Variants in ODF2L observed in about 807,000 individuals in gnomAD.
ODF2L encodes protein BCAP.
ODF2L carries 76 observed loss-of-function variants against 86.3 expected under a neutral mutation model. The ratio of observed to expected loss-of-function variants is 0.88; its 90% confidence interval spans 0.73 to 1.07. The LOEUF is 1.07. ODF2L is among the 50% of genes least tolerant of loss of function. The pLI, the probability that ODF2L is intolerant of heterozygous loss-of-function variation, is 0.00. For missense variants in ODF2L, 748 were observed against 717.4 expected, an observed-to-expected ratio of 1.04 and a Z score of -0.49; for synonymous variants, 241 against 231.3, an observed-to-expected ratio of 1.04 and a Z score of -0.38.
At position 86,374,702 on chromosome 1, in the gene ODF2L, T is replaced by C. The variant is rs76241032; in HGVS notation, c.810+1531A>G. On this transcript the variant is annotated intron_variant, in intron 8 of 17. Coordinates refer to ENST00000317336, the Ensembl canonical transcript of ODF2L. ...CCTTTTCACCTTTCCTTCCACTGCA[T>C]TGAAACTGCATGTGAATTAGTAACT... Among the ~76,000 whole-genome samples, 794 of 152,320 alleles carry C rather than the reference T, an allele frequency of 5.2e-3. 3 individuals are homozygous for C. The highest frequency in any genetic ancestry group is 0.037 in the South Asian group (181 of 4,832).
At chr1:86,379,424 T>G (rs1474233117) in intron 7 of ODF2L, among the ~76,000 whole-genome samples, 2 of 152,224 alleles carry the variant, frequency 1.3e-5, no homozygotes, top group African/African-American at 4.8e-5. Context: ...AAAACTTCTG[T>G]GATTAACTCA....
Position 86,376,434 on chromosome 1 carries a change from G to C in ODF2L, c.625-16C>G, listed in dbSNP as rs1660180535. ...TTTCTAAGCTCTAAAAAAAAAATTA[G>C]CAACAATTAAATTATTTCAGAACTC... On this transcript the variant is annotated splice_polypyrimidine_tract_variant and intron_variant, in intron 7 of 17. Coordinates refer to ENST00000317336, the Ensembl canonical transcript of ODF2L. The C allele has an allele frequency of 6.7e-7, 1 of 1,502,228 alleles. No homozygotes were observed. Among genetic ancestry groups the C allele is most frequent in the South Asian group, 1.2e-5 (1 of 82,398 alleles). 93.1% of individuals were successfully genotyped at this position (1,502,228 alleles called of 1,614,324 possible). A position where few individuals can be genotyped will look rare whatever the true frequency, so the allele number is the denominator to read the frequency against.
At chr1:86,382,716 C>G (rs1483373808) in intron 6 of ODF2L, among the ~76,000 whole-genome samples, 1 of 151,676 alleles carries the variant, frequency 6.6e-6, no homozygotes, top group Non-Finnish European at 1.5e-5. Context: ...GTGATTTATG[C>G]CAAGTATCCT....
intron 7 of ODF2L, among the ~76,000 whole-genome samples, chr1:86,377,604 G>T (rs543508379): frequency 1.3e-5 from 2 of 152,316 alleles, no homozygotes; most frequent in South Asian, 4.1e-4. Flanking sequence ...CTAGGCAGAG[G>T]TTCCCAAGCC....
At chr1:86,381,818 A>G (rs1457477226) in intron 7 of ODF2L, 1 of 152,310 alleles carries the variant, frequency 6.6e-6, no homozygotes, top group Non-Finnish European at 1.5e-5. Context: ...GTAACAAAAA[A>G]TAAACATCGT....
downstream of ODF2L, chr1:86,347,374 G>A (rs931310505): frequency 6.6e-6 from 1 of 152,088 alleles, no homozygotes; most frequent in Admixed American, 6.6e-5. Flanking sequence ...TTTCATGTGG[G>A]CATTTAAGGC....
chr1:86,348,987 A>G, downstream of ODF2L: 1 of 1,177,850 alleles, frequency 8.5e-7, no homozygotes, highest in East Asian at 3.3e-5. Context: ...ATTCTTTTTG[A>G]TTTTTTAAAA....
At chr1:86,358,236 C>A (rs1224440702) in intron 13 of ODF2L, 3 of 215,354 alleles carry the variant, frequency 1.4e-5, no homozygotes, top group African/African-American at 2.3e-5. Flanking sequence ...CAAAACAACA[C>A]AAAAAACCAA....
At chr1:86,390,289 C>T (rs1428348881) in intron 1 of ODF2L, among the ~76,000 whole-genome samples, 1 of 151,982 alleles carries the variant, frequency 6.6e-6, no homozygotes, top group East Asian at 1.9e-4. Flanking sequence ...GGCATCGTGG[C>T]GGGTGCCTGT....
intron 10 of ODF2L, chr1:86,368,802 G>A: frequency 8.6e-7 from 1 of 1,165,918 alleles, no homozygotes. Context: ...AAAACATTGG[G>A]AATAACCTGA....
At chr1:86,348,333 A>C (rs1657909390), downstream of ODF2L, 1 of 151,642 alleles carries the variant, frequency 6.6e-6, no homozygotes, top group Admixed American at 6.6e-5. Context: ...TTAAAAATTA[A>C]AATTCAGAAT....
chr1:86,357,949 G>C, intron 13 of ODF2L: 1 of 985,346 alleles, frequency 1.0e-6, no homozygotes, highest in Non-Finnish European at 1.2e-6. Flanking sequence ...GACATGAAAT[G>C]GTTTATTCGC....
chr1:86,356,748 T>A, intron 13 of ODF2L, 146 bp from the exon 13 acceptor site: 1 of 609,286 alleles, frequency 1.6e-6, no homozygotes, highest in Non-Finnish European at 2.5e-6. Context: ...AATATTAAAC[T>A]CTGTTAAATA....
chr1:86,353,474 T>A (rs166626), intron 16 of ODF2L, among the ~76,000 whole-genome samples: 48,134 of 151,924 alleles, frequency 0.32, 7,736 homozygotes, highest in African/African-American at 0.37. Context: ...CAAACTGGTC[T>A]GAATTTGAAT....
chr1:86,367,970 A>G (rs272504), intron 11 of ODF2L, among the ~76,000 whole-genome samples: 49,386 of 152,066 alleles, frequency 0.32, 8,201 homozygotes, highest in African/African-American at 0.4. Flanking sequence ...ACTTTTGTTC[A>G]GATGCCATTT....
chr1:86,368,572 A>G, intron 11 of ODF2L: 1 of 1,256,746 alleles, frequency 8.0e-7, no homozygotes, highest in East Asian at 3.2e-5. Context: ...CAAATCAAAA[A>G]CACATTTTAT....
chr1:86,364,679 C>CT lies in ODF2L; in HGVS notation c.1143+3956dup, dbSNP rs560911352. On this transcript the variant is annotated intron_variant, in intron 11 of 17. Coordinates refer to ENST00000317336, the Ensembl canonical transcript of ODF2L. Reference sequence around the variant, plus strand: ...TTTTTTAAAAAGGGAGGTAATGCATCTTTTTTTCCTCCATCTTGTTGCTTG... The same window carrying CT: ...TTTTTTAAAAAGGGAGGTAATGCATCTTTTTTTTCCTCCATCTTGTTGCTTG... Among the ~76,000 whole-genome samples the CT allele has an allele frequency of 3.0e-4, 45 of 152,154 alleles. 1 individual carries two copies. The highest frequency in any genetic ancestry group is 1.1e-3 in the African/African-American group (44 of 41,514).
At chr1:86,391,683 G>A (rs763499637) in intron 1 of ODF2L, among the ~76,000 whole-genome samples, 3 of 152,126 alleles carry the variant, frequency 2.0e-5, no homozygotes, top group Non-Finnish European at 4.4e-5. Flanking sequence ...ACGCAAGATG[G>A]ATCAAAGACT....
chr1:86,381,679 C>T (rs1660601360), intron 7 of ODF2L, among the ~76,000 whole-genome samples: 1 of 151,748 alleles, frequency 6.6e-6, no homozygotes, highest in Non-Finnish European at 1.5e-5. Context: ...CTCAAAGTGA[C>T]TTTGACTCCA....
Sources: allele counts gnomAD v4.1 joint callset (sites outside exome capture counted in the v4.1 genomes callset), GRCh38; gene constraint gnomAD v4.1.1; transcripts MANE v1.5; gene names NCBI Gene and HGNC (gene_info 2026-07-23, HGNC 2026-07-21).